Variants in RBFOX1 observed in about 807,000 individuals in gnomAD.
RBFOX1 encodes RNA binding fox-1 homolog 1, also known as RNA binding protein fox-1 homolog 1.
In RBFOX1, 8 loss-of-function variants were observed where a neutral mutation model predicts 57.7. The observed-to-expected ratio is 0.14, with a 90% CI of 0.08 to 0.25. RBFOX1 has a LOEUF of 0.25. RBFOX1 is among the 10% of genes least tolerant of loss of function. RBFOX1 has a pLI of 1.00. For missense variants in RBFOX1, 611 were observed against 548.5 expected (o/e 1.11, Z -1.14); for synonymous variants, 326 against 222.4 (o/e 1.47, Z -4.15).
At chr16:6,401,472 A>G (rs375107651) in intron 2 of RBFOX1, among the ~76,000 whole-genome samples, 1 of 152,214 alleles carries the variant, frequency 6.6e-6, no homozygotes, top group East Asian at 1.9e-4. Context: ...GACTGTGATC[A>G]TTTTAAAACC....
chr16:6,191,181 C>T (rs1376132976), intron 1 of RBFOX1, among the ~76,000 whole-genome samples: 1 of 147,024 alleles, frequency 6.8e-6, no homozygotes, highest in Non-Finnish European at 1.5e-5. Context: ...AAACTACAGT[C>T]GCCTCCATTG....
intron 3 of RBFOX1, among the ~76,000 whole-genome samples, chr16:5,864,170 CTG>C (rs1214769450): frequency 2.0e-5 from 3 of 152,312 alleles, no homozygotes; most frequent in African/African-American, 7.2e-5. Flanking sequence ...TTTTCTGTTG[CTG>C]TGTTAGTTTG....
At chr16:6,678,383 T>G (rs1004462372) in intron 3 of RBFOX1, among the ~76,000 whole-genome samples, 2 of 152,002 alleles carry the variant, frequency 1.3e-5, no homozygotes, top group Non-Finnish European at 2.9e-5. Flanking sequence ...CTCAGCCTCC[T>G]AAAGTGCTGG....
chr16:7,653,901 A>G lies in RBFOX1; in HGVS notation c.844A>G (p.Thr282Ala). ...LRGRGRTVYN[T>A]FRAAAPPPPI... ...AGGCCGCGGTCGCACCGTGTACAAC[A>G]CCTTCAGGGCCGCGGCGCCCCCGCC... Residue 282 changes from threonine to alanine, a missense_variant, in exon 12 of 16, where the codon ACC (threonine) becomes GCC (alanine). By Grantham distance (58) the Thr-to-Ala change is moderately conservative (BLOSUM62 0). This residue lies in a region of RBFOX1 where 267 missense variants were observed against 229.1 expected (regional missense o/e 1.17). Transcript: ENST00000550418. 3 of 1,594,886 alleles carry G rather than the reference A, an allele frequency of 1.9e-6. No individual in the cohort carries two copies. Among genetic ancestry groups the G allele is most frequent in the Non-Finnish European group, 2.6e-6 (3 of 1,176,086 alleles).
chr16:7,579,997 T>C, intron 6 of RBFOX1, 77 bp downstream of exon 6: 1 of 1,485,242 alleles, frequency 6.7e-7, no homozygotes, highest in Non-Finnish European at 9.3e-7. Flanking sequence ...AAGTTTGGGG[T>C]ATTTACAATA....
chr16:7,334,170 G>C (rs2096742916), intron 4 of RBFOX1, among the ~76,000 whole-genome samples: 1 of 152,004 alleles, frequency 6.6e-6, no homozygotes, highest in Non-Finnish European at 1.5e-5. Context: ...GTACGAACCT[G>C]GGTGATTAGA....
intron 2 of RBFOX1, among the ~76,000 whole-genome samples, chr16:5,526,257 C>G (rs879892557): frequency 7.9e-5 from 12 of 151,364 alleles, no homozygotes; most frequent in Admixed American, 6.6e-4. Context: ...GACAGCAACC[C>G]TAAGCAACAG....
chr16:6,609,354 T>G (rs1194050967), intron 2 of RBFOX1, among the ~76,000 whole-genome samples: 1 of 152,156 alleles, frequency 6.6e-6, no homozygotes, highest in East Asian at 1.9e-4. Flanking sequence ...TTTTTTATTT[T>G]TATTTTTTGA....
intron 2 of RBFOX1, among the ~76,000 whole-genome samples, chr16:6,625,472 C>T (rs1001875608): frequency 6.6e-6 from 1 of 152,098 alleles, no homozygotes; most frequent in African/African-American, 2.4e-5. Context: ...GATACAAAGT[C>T]CAAGCTCCTT....
At chr16:7,642,477 T>C (rs2063000166) in intron 11 of RBFOX1, among the ~76,000 whole-genome samples, 1 of 152,134 alleles carries the variant, frequency 6.6e-6, no homozygotes, top group Non-Finnish European at 1.5e-5. Context: ...GAAGGCTTCA[T>C]GTTCAGGAGC....
At chr16:7,554,956 C>G (rs1398338918) in intron 5 of RBFOX1, among the ~76,000 whole-genome samples, 1 of 152,112 alleles carries the variant, frequency 6.6e-6, no homozygotes, top group African/African-American at 2.4e-5. Context: ...AAGTAGAACA[C>G]TAAGGAAATG....
At chr16:7,382,320 C>T (rs994535865) in intron 4 of RBFOX1, among the ~76,000 whole-genome samples, 1 of 152,212 alleles carries the variant, frequency 6.6e-6, no homozygotes, top group Non-Finnish European at 1.5e-5. Context: ...AAGCTATCCA[C>T]AGCCCTCAAG....
chr16:6,737,901 TAA>T (rs2070852281), intron 3 of RBFOX1, among the ~76,000 whole-genome samples: 2 of 152,162 alleles, frequency 1.3e-5, no homozygotes, highest in South Asian at 4.1e-4. Flanking sequence ...CCATGAAGCC[TAA>T]GTTACATTTA....
intron 3 of RBFOX1, among the ~76,000 whole-genome samples, chr16:6,733,132 A>T (rs548374486): frequency 1.3e-5 from 2 of 152,200 alleles, no homozygotes; most frequent in African/African-American, 2.4e-5. Context: ...TTGAATGCAA[A>T]TATCAAAATG....
intron 14 of RBFOX1, among the ~76,000 whole-genome samples, chr16:7,682,504 C>A (rs1035104081): frequency 9.3e-5 from 14 of 150,698 alleles, no homozygotes; most frequent in African/African-American, 2.2e-4. Context: ...TATCTCTGTG[C>A]CATTTTTGAT....
chr16:6,454,196 G>T (rs988340904), intron 2 of RBFOX1, among the ~76,000 whole-genome samples: 1 of 152,160 alleles, frequency 6.6e-6, no homozygotes, highest in African/African-American at 2.4e-5. Context: ...TGTACAGGGG[G>T]TTAAGGCTTC....
At chr16:6,725,520 C>G (rs1262229829) in intron 3 of RBFOX1, among the ~76,000 whole-genome samples, 2 of 152,088 alleles carry the variant, frequency 1.3e-5, no homozygotes, top group African/African-American at 4.8e-5. Flanking sequence ...GAATTGCCCA[C>G]CCCTTTCCTG....
intron 4 of RBFOX1, among the ~76,000 whole-genome samples, chr16:5,956,861 G>A (rs577421957): frequency 6.7e-6 from 1 of 150,202 alleles, no homozygotes; most frequent in African/African-American, 2.4e-5. Flanking sequence ...TATAGAGATG[G>A]GGTTTCGCCA....
At chr16:5,742,879 G>C (rs2052827949) in intron 3 of RBFOX1, among the ~76,000 whole-genome samples, 1 of 152,172 alleles carries the variant, frequency 6.6e-6, no homozygotes, top group African/African-American at 2.4e-5. Flanking sequence ...CCGAGAGATG[G>C]ATCTGGTCAG....
Sources: allele counts gnomAD v4.1 joint callset (sites outside exome capture counted in the v4.1 genomes callset), GRCh38; gene constraint gnomAD v4.1.1; regional missense constraint gnomAD v4.1.1; transcripts MANE v1.5; gene names NCBI Gene and HGNC (gene_info 2026-07-23, HGNC 2026-07-21).